Variants in NAV1 observed in about 807,000 individuals in gnomAD.
The protein encoded by NAV1 is pore membrane and/or filament interacting like protein 3.
In NAV1, 18 loss-of-function variants were observed where a neutral mutation model predicts 175.2. The observed-to-expected ratio is 0.10, with a 90% confidence interval of 0.07 to 0.15. NAV1 has a LOEUF of 0.15. NAV1 is among the 10% of genes least tolerant of loss of function. NAV1 has a pLI of 1.00. For synonymous variants in NAV1, 897 were observed against 978.7 expected (o/e 0.92, Z 1.56); for missense variants, 1,731 against 2,436.6 (o/e 0.71, Z 6.10).
chr1:201,821,081 C>T (rs1679352669), exon 30 of NAV1: 1 of 152,354 alleles, frequency 6.6e-6, no homozygotes, highest in Non-Finnish European at 1.5e-5. Flanking sequence ...TGCTGGGTAG[C>T]TCAATTGCCA....
chr1:201,769,347 T>A (rs1295505371), intron 3 of NAV1, among the ~76,000 whole-genome samples: 26 of 152,352 alleles, frequency 1.7e-4, no homozygotes, highest in Admixed American at 1.7e-3. Flanking sequence ...AAATTCACAC[T>A]TTGTCACTGT....
chr1:201,738,034 A>G (rs749498180), intron 3 of NAV1, among the ~76,000 whole-genome samples: 1 of 152,126 alleles, frequency 6.6e-6, no homozygotes, highest in Admixed American at 6.5e-5. Flanking sequence ...CCAGAACAGG[A>G]GAGCCAGGAT....
At chr1:201,656,995 C>T (rs1267979754) in intron 1 of NAV1, among the ~76,000 whole-genome samples, 2 of 152,194 alleles carry the variant, frequency 1.3e-5, no homozygotes, top group Non-Finnish European at 2.9e-5. Context: ...CCAGCAGGCC[C>T]TGCCTTCTCT....
chr1:201,589,489 T>G (rs1667128361), intron 2 of NAV1, among the ~76,000 whole-genome samples: 1 of 152,182 alleles, frequency 6.6e-6, no homozygotes, highest in East Asian at 1.9e-4. Flanking sequence ...AGTGTTTTTT[T>G]GTTTTGTTTT....
At position 201,542,265 on chromosome 1, in the gene NAV1, A is replaced by G. The variant is rs1557989263; in HGVS notation, c.-144+2923A>G. Among the ~76,000 whole-genome samples the G allele has an allele frequency of 2.0e-5, 3 of 152,284 alleles. No individual in the cohort carries two copies. In the East Asian group the frequency reaches 5.8e-4, roughly 29 times the overall value. ...AGCAGATGTTACTTACCTCTTAGCT[A>G]GAGAGAGGAACAGAAACATATTAGG... On this transcript the variant is annotated intron_variant, in intron 1 of 33. Coordinates refer to the NAV1 transcript ENST00000685211.
chr1:201,712,700 C>T (rs1206544096), intron 1 of NAV1, 117 bp from the exon 6 acceptor site: 2 of 715,130 alleles, frequency 2.8e-6, no homozygotes, highest in Non-Finnish European at 5.1e-6. Flanking sequence ...AGGAAGGTGA[C>T]TATCATGGCC....
rs776658102 is a variant in NAV1 at position 201,611,231 on chromosome 1, C to A, written c.-32-11622C>A. Among the ~76,000 whole-genome samples, 29 of 152,180 alleles carry A rather than the reference C, an allele frequency of 1.9e-4. 1 individual carries two copies. Among genetic ancestry groups the A allele is most frequent in the Middle Eastern group, 6.3e-3 (2 of 316 alleles). ...ATTGCATTCTCTGCCAAGGACCAGG[C>A]CCAGCTGAATGGCCCCCAGCTGGTT... On this transcript the variant is annotated intron_variant, in intron 2 of 33. Coordinates refer to the NAV1 transcript ENST00000685211.
Position 201,821,509 on chromosome 1 carries a change from C to G in NAV1, c.*1577C>G, listed in dbSNP as rs1294424772. On this transcript the variant is annotated 3_prime_UTR_variant, in exon 30 of 30. Transcript: ENST00000367296. ...ACAAATCATTAGGTTAAAACAGACA[C>G]ACACACACACACACACACACACACA... is the stretch of plus-strand genomic sequence containing the variant. 3 of 29,108 alleles carry G rather than the reference C, an allele frequency of 1.0e-4. 1 individual carries two copies. The highest frequency in any genetic ancestry group is 2.9e-4 in the Non-Finnish European group (3 of 10,376). The allele number at this position is 29,108 out of a possible 1,614,324, so 1.8% of individuals were successfully genotyped here.
At chr1:201,559,944 C>T (rs1180635304) in intron 1 of NAV1, among the ~76,000 whole-genome samples, 1 of 152,186 alleles carries the variant, frequency 6.6e-6, no homozygotes, top group African/African-American at 2.4e-5. Context: ...CCCACAGGCA[C>T]GTGTCCCCTC....
chr1:201,744,384 C>G (rs1169988427), intron 3 of NAV1, among the ~76,000 whole-genome samples: 1 of 151,648 alleles, frequency 6.6e-6, no homozygotes, highest in Non-Finnish European at 1.5e-5. Flanking sequence ...TGAGCACTTC[C>G]CAGATGCCAG....
At chr1:201,544,134 T>C (rs547252033) in intron 1 of NAV1, among the ~76,000 whole-genome samples, 1 of 152,286 alleles carries the variant, frequency 6.6e-6, no homozygotes, top group South Asian at 2.1e-4. Flanking sequence ...CCTGGGGAGC[T>C]TTTAAAAATG....
intron 3 of NAV1, among the ~76,000 whole-genome samples, chr1:201,727,879 A>G (rs1228765776): frequency 6.6e-6 from 1 of 152,148 alleles, no homozygotes; most frequent in African/African-American, 2.4e-5. Context: ...CCTAGAGGGC[A>G]TTGGGTCTGC....
chr1:201,808,763 T>C lies in NAV1; in HGVS notation c.4099T>C (p.Ser1367Pro). The C allele has an allele frequency of 6.2e-7, 1 of 1,614,178 alleles. No individual in the cohort carries two copies. Among genetic ancestry groups the C allele is most frequent in the Non-Finnish European group, 8.5e-7 (1 of 1,180,036 alleles). The change falls in exon 20 of 30, where the codon TCA becomes CCA. Residue 1367 changes from serine (S) to proline (P), a missense_variant. Coordinates refer to ENST00000367296, the Ensembl canonical transcript of NAV1. This position sits in a 1 kb window ranked among gnomAD's most constrained non-coding sequence, Gnocchi z 5.5. ...ACTGAAGGTAGCCCCAGGCCCCTCATCAGGCTCCACTCCAGGGCAGGTCCC... is the reference window on the plus strand; with the variant it reads ...ACTGAAGGTAGCCCCAGGCCCCTCACCAGGCTCCACTCCAGGGCAGGTCCC...
At chr1:201,598,201 C>T (rs901272337) in intron 2 of NAV1, among the ~76,000 whole-genome samples, 13 of 152,284 alleles carry the variant, frequency 8.5e-5, no homozygotes, top group African/African-American at 1.2e-4. Flanking sequence ...GAAGGGATGA[C>T]GTCTGAGCTG....
chr1:201,587,245 T>C (rs1246690957), intron 1 of NAV1, among the ~76,000 whole-genome samples: 1 of 151,722 alleles, frequency 6.6e-6, no homozygotes, highest in African/African-American at 2.4e-5. Flanking sequence ...AGCTTTATGT[T>C]ATGTGTAGTT....
chr1:201,684,771 A>C (rs1670612275), intron 1 of NAV1, among the ~76,000 whole-genome samples: 1 of 151,642 alleles, frequency 6.6e-6, no homozygotes, highest in Non-Finnish European at 1.5e-5. Context: ...CACTGTGCCC[A>C]GCCTATGCAG....
intron 1 of NAV1, among the ~76,000 whole-genome samples, chr1:201,567,083 C>CA (rs1258912375): frequency 3.3e-5 from 5 of 149,506 alleles, no homozygotes; most frequent in Non-Finnish European, 5.9e-5. Context: ...CACCGGAAGA[C>CA]AAAAAAAATG....
At chr1:201,646,224 C>G (rs767104523), upstream of NAV1, among the ~76,000 whole-genome samples, 4 of 152,208 alleles carry the variant, frequency 2.6e-5, no homozygotes, top group Non-Finnish European at 5.9e-5. Context: ...CTTGTCATTT[C>G]CTATCTGGAA....
intron 1 of NAV1, among the ~76,000 whole-genome samples, chr1:201,662,229 T>C (rs1013425317): frequency 4.6e-5 from 7 of 152,242 alleles, no homozygotes; most frequent in African/African-American, 1.7e-4. Context: ...ACGTTTCCTA[T>C]AAGAGTTTAG....
Sources: gnomAD v4.1 joint callset for allele counts (sites outside exome capture counted in the v4.1 genomes callset) on GRCh38, gnomAD v4.1.1 for gene constraint, Gnocchi (gnomAD v3.1) non-coding constraint, MANE v1.5 for transcripts, NCBI Gene and HGNC (gene_info 2026-07-23, HGNC 2026-07-21) for gene names.